The following ZNF672 variants were observed in gnomAD, a reference collection of about 807,000 sequenced individuals.
ZNF672 encodes zinc finger protein 672, also known as hypothetical protein FLJ22301.
For synonymous variants in ZNF672, 358 were observed against 305.6 expected, an observed-to-expected ratio of 1.17 and a Z score of -1.79; for missense variants, 733 against 701.1, an observed-to-expected ratio of 1.05 and a Z score of -0.51.
rs1380084263 is a variant in ZNF672 at position 248,838,308 on chromosome 1, C to T, written c.-718C>T. The T allele has an allele frequency of 6.6e-6, 1 of 152,392 alleles. No homozygotes were observed. Among genetic ancestry groups the T allele is most frequent in the Non-Finnish European group, 1.5e-5 (1 of 68,168 alleles). The allele number at this position is 152,392 out of a possible 1,614,324, so 9.4% of individuals were successfully genotyped here. A position where few individuals can be genotyped will look rare whatever the true frequency, so the allele number is the denominator to read the frequency against. On this transcript the variant is annotated 5_prime_UTR_variant, in exon 1 of 4. Coordinates refer to ENST00000306562, the MANE Select transcript of ZNF672 (RefSeq NM_024836.3). ...CTCGCTGGCCTCCCAGTCTTCCCAGCAACCGGTGACACTGCCCGCGCCAGA... is the reference window on the plus strand; with the variant it reads ...CTCGCTGGCCTCCCAGTCTTCCCAGTAACCGGTGACACTGCCCGCGCCAGA...
At chr1:248,841,578 A>G (rs138939710) in intron 1 of ZNF672, among the ~76,000 whole-genome samples, 63 of 152,322 alleles carry the variant, frequency 4.1e-4, no homozygotes, top group Non-Finnish European at 7.2e-4. Context: ...TACCTTCTCT[A>G]TACTTCCCAG....
chr1:248,844,557 GAAGA>G lies in ZNF672; in HGVS notation c.-399_-396del, dbSNP rs1247533753. 6.6e-6 allele frequency: 1 copy of G among 152,274 alleles called. No homozygotes were observed. Among genetic ancestry groups the G allele is most frequent in the African/African-American group, 2.4e-5 (1 of 41,464 alleles). 9.4% of individuals were successfully genotyped at this position (152,274 alleles called of 1,614,324 possible). ...GGGGTGAGGTACAGAAGAGAGACTTGAAGAGCGTGCCTTGGGACTCAAGCGCCAA... is the reference window on the plus strand; with the variant it reads ...GGGGTGAGGTACAGAAGAGAGACTTGGCGTGCCTTGGGACTCAAGCGCCAA... On this transcript the variant is annotated 5_prime_UTR_variant, in exon 2 of 4. Transcript: ENST00000306562.
intron 2 of ZNF672, among the ~76,000 whole-genome samples, chr1:248,844,965 T>G (rs936491164): frequency 8.5e-5 from 13 of 152,226 alleles, no homozygotes; most frequent in South Asian, 2.1e-4. Context: ...CAAGGAGCTC[T>G]CTAAAGTCTA....
Position 248,847,879 on chromosome 1 carries a change from G to C in ZNF672, c.605G>C (p.Gly202Ala), listed in dbSNP as rs372064469. ...RPRVSDAHQC[G>A]VCGKCFGKSS... The stretch of plus-strand genomic sequence containing the variant: ...CGTGTCTCAGACGCCCACCAGTGTG[G>C]CGTGTGCGGCAAGTGCTTTGGCAAG... The change falls in exon 4 of 4, where the codon GGC becomes GCC. Residue 202 changes from glycine to alanine, a missense_variant. Gly to Ala is a moderately conservative substitution (Grantham distance 60, BLOSUM62 0). Coordinates refer to ENST00000306562, the MANE Select transcript of ZNF672 (RefSeq NM_024836.3). 1 of 1,588,408 alleles carries C rather than the reference G, an allele frequency of 6.3e-7. No individual in the cohort carries two copies. Among genetic ancestry groups the C allele is most frequent in the Non-Finnish European group, 8.5e-7 (1 of 1,170,040 alleles).
At chr1:248,841,468 C>T (rs1664678980) in intron 1 of ZNF672, among the ~76,000 whole-genome samples, 1 of 152,096 alleles carries the variant, frequency 6.6e-6, no homozygotes, top group Non-Finnish European at 1.5e-5. Context: ...AGGACAAGCT[C>T]CCACTATGTA....
rs1375403010 is a variant in ZNF672 at position 248,848,628 on chromosome 1, T to A, written c.1354T>A (p.Ser452Thr). 1 of 1,570,580 alleles carries A rather than the reference T, an allele frequency of 6.4e-7. No homozygotes were observed. The highest frequency in any genetic ancestry group is 8.6e-7 in the Non-Finnish European group (1 of 1,156,732). Reference sequence around the variant, plus strand: ...ACAGGAAAAGCCAGGGTTCTCTGTGTCCTAGTTGAGGGAGGCTTGCTGAGG... The same window carrying A: ...ACAGGAAAAGCCAGGGTTCTCTGTGACCTAGTTGAGGGAGGCTTGCTGAGG... ...AEQEKPGFSVS is the reference protein window; with the variant it reads ...AEQEKPGFSVT Residue 452 changes from serine (S) to threonine (T), a missense_variant, in exon 4 of 4, where the codon TCC becomes ACC. Ser to Thr is a moderately conservative substitution (Grantham distance 58). Coordinates refer to ENST00000306562, the MANE Select transcript of ZNF672 (RefSeq NM_024836.3).
In ZNF672 at chr1:248,847,919, G is replaced by A. The variant is rs1249286614; in HGVS notation, c.645G>A (p.Thr215=). ...GCTTTGGCAAGAGCTCTACGCTGAC[G>A]CGACACCTGCAGACGCACTCGGGGG... ...GKCFGKSSTL[T]RHLQTHSGEK... is the part of the protein sequence containing the mutation. Residue 215 remains threonine, a synonymous_variant, in exon 4 of 4, where the codon ACG becomes ACA. Coordinates refer to ENST00000306562, the MANE Select transcript of ZNF672 (RefSeq NM_024836.3). 4 of 1,581,424 alleles carry A rather than the reference G, an allele frequency of 2.5e-6. No homozygotes were observed. Among genetic ancestry groups the A allele is most frequent in the South Asian group, 1.1e-5 (1 of 88,292 alleles).
chr1:248,843,251 C>T (rs559163013), intron 1 of ZNF672, among the ~76,000 whole-genome samples: 20 of 152,156 alleles, frequency 1.3e-4, no homozygotes, highest in Non-Finnish European at 2.4e-4. Flanking sequence ...ACTGGGAGGA[C>T]GAAAGGGAAA....
rs1239001368 is a variant in ZNF672 at position 248,847,251 on chromosome 1, C to G, written c.-24C>G. 1.1e-5 allele frequency: 18 copies of G among 1,588,238 alleles called. No individual in the cohort carries two copies. The highest frequency in any genetic ancestry group is 1.6e-5 in the Non-Finnish European group (18 of 1,159,440). ...TGGACCCCAGAGTGTGAGTGGCACG[C>G]TTCCCTGTGAACCCGTCCTCACCAT... On this transcript the variant is annotated 5_prime_UTR_variant, in exon 4 of 4. Transcript: ENST00000306562.
At chr1:248,840,381 C>T (rs749662689) in intron 1 of ZNF672, among the ~76,000 whole-genome samples, 2 of 152,222 alleles carry the variant, frequency 1.3e-5, no homozygotes, top group Non-Finnish European at 2.9e-5. Context: ...CGTGAGCCAC[C>T]GTGCCTGGCC....
intron 1 of ZNF672, chr1:248,839,331 C>T (rs1262188276): frequency 6.6e-6 from 1 of 152,212 alleles, no homozygotes; most frequent in East Asian, 1.9e-4. Flanking sequence ...TACTCAGAGT[C>T]GCTCTTAAGA....
rs1659278854 is a variant in ZNF672 at position 248,848,997 on chromosome 1, T to C, written c.*364T>C. The stretch of plus-strand genomic sequence containing the variant: ...TTCCTGCCTTTATTCTGTCTTCTCT[T>C]GTCCTATCTCATTCCAGCCCACATC... On this transcript the variant is annotated 3_prime_UTR_variant, in exon 4 of 4. Coordinates refer to ENST00000306562, the MANE Select transcript of ZNF672 (RefSeq NM_024836.3). The C allele has an allele frequency of 1.8e-6, 1 of 546,322 alleles. No individual in the cohort carries two copies. Among genetic ancestry groups the C allele is most frequent in the East Asian group, 4.8e-5 (1 of 21,014 alleles). 33.8% of individuals were successfully genotyped at this position (546,322 alleles called of 1,614,324 possible).
chr1:248,847,358 G>A lies in ZNF672; in HGVS notation c.84G>A (p.Val28=), dbSNP rs1447290046. The A allele has an allele frequency of 1.6e-5, 26 of 1,612,750 alleles. No homozygotes were observed. Among genetic ancestry groups the A allele is most frequent in the Non-Finnish European group, 2.0e-5 (23 of 1,179,410 alleles). The part of the protein sequence containing the change: ...ECGKSFCYSS[V]LLRHERAHGG... ...GCAAGAGCTTCTGCTACAGCTCAGT[G>A]CTGCTGCGACATGAACGAGCTCACG... is the stretch of plus-strand genomic sequence containing the variant. Residue 28 remains valine (V), a synonymous_variant, in exon 4 of 4, where the codon GTG becomes GTA. Coordinates refer to ENST00000306562, the MANE Select transcript of ZNF672 (RefSeq NM_024836.3).
At position 248,848,727 on chromosome 1, in the gene ZNF672, T is replaced by C; in HGVS notation, c.*94T>C. The C allele has an allele frequency of 6.8e-7, 1 of 1,467,746 alleles. No homozygotes were observed. The highest frequency in any genetic ancestry group is 1.4e-5 in the South Asian group (1 of 70,350). The allele number at this position is 1,467,746 out of a possible 1,614,324, so 90.9% of individuals were successfully genotyped here. On this transcript the variant is annotated 3_prime_UTR_variant, in exon 4 of 4. Coordinates refer to ENST00000306562, the MANE Select transcript of ZNF672 (RefSeq NM_024836.3). ...GTTGAGGCAACTCGTAGATGGAGAT[T>C]TGGGAAAAGACGATGTGGCCTCCTA...
intron 1 of ZNF672, among the ~76,000 whole-genome samples, chr1:248,840,691 T>C (rs1208159990): frequency 6.7e-6 from 1 of 150,116 alleles, no homozygotes; most frequent in Admixed American, 6.6e-5. Context: ...GTGGAGGATA[T>C]GATGACTGTA....
intron 2 of ZNF672, 42 bp from the exon 3 acceptor site, chr1:248,845,524 T>C (rs1291481260): frequency 6.6e-6 from 1 of 152,160 alleles, no homozygotes; most frequent in East Asian, 1.9e-4. Context: ...TGCTCAGTTG[T>C]AATTCACATT....
intron 1 of ZNF672, among the ~76,000 whole-genome samples, chr1:248,844,088 A>G (rs772050149): frequency 6.6e-6 from 1 of 151,418 alleles, no homozygotes; most frequent in Non-Finnish European, 1.5e-5. Context: ...GAAAATAAGG[A>G]TTTTCAATTA....
Position 248,849,087 on chromosome 1 carries a change from G to C in ZNF672, c.*454G>C. On this transcript the variant is annotated 3_prime_UTR_variant, in exon 4 of 4. Coordinates refer to ENST00000306562, the MANE Select transcript of ZNF672 (RefSeq NM_024836.3). ...GGTAATGGTCACAGATTTGGCTGTA[G>C]GCACGTTACCAGCCCTGTGGCTTCT... 2.1e-6 allele frequency: 1 copy of C among 477,116 alleles called. No homozygotes were observed. The allele number at this position is 477,116 out of a possible 1,614,324, so 29.6% of individuals were successfully genotyped here.
In ZNF672 at chr1:248,847,732, G is replaced by A. The variant is rs1659199731; in HGVS notation, c.458G>A (p.Gly153Glu). Residue 153 changes from glycine to glutamate, a missense_variant, in exon 4 of 4, where the codon GGG becomes GAG. Physicochemically the swap from Gly to Glu is moderately conservative, Grantham distance 98. Transcript: ENST00000306562. ...CACCAGGCGCGGGCGCACCCCTTGG[G>A]GACAACCTCTGACCCTGCTGCCCCA... Reference protein sequence around the residue: ...LFHQARAHPLGTTSDPAAPPH... With the variant: ...LFHQARAHPLETTSDPAAPPH... 5 of 1,469,746 alleles carry A rather than the reference G, an allele frequency of 3.4e-6. No homozygotes were observed. The highest frequency in any genetic ancestry group is 4.5e-6 in the Non-Finnish European group (5 of 1,113,840). The allele number at this position is 1,469,746 out of a possible 1,614,324, so 91.0% of individuals were successfully genotyped here.
Sources: allele counts gnomAD v4.1 joint callset (sites outside exome capture counted in the v4.1 genomes callset), GRCh38; gene constraint gnomAD v4.1.1; transcripts MANE v1.5; gene names NCBI Gene and HGNC (gene_info 2026-07-23, HGNC 2026-07-21).